Variants in SLC1A6 observed in about 807,000 individuals in gnomAD.
SLC1A6 encodes the protein solute carrier family 1 member 6, also known as excitatory amino acid transporter 4.
A neutral mutation model predicts 42.1 loss-of-function variants in SLC1A6; 15 were observed. The ratio of observed to expected loss-of-function variants is 0.36; its 90% CI spans 0.24 to 0.55. The LOEUF (loss-of-function observed/expected upper bound fraction) is 0.55, where lower values mean the gene tolerates loss of function less well. SLC1A6 is among the 20% of genes least tolerant of loss of function. The probability of loss-of-function intolerance (pLI) is 0.88; values close to 1 mark genes in which losing one functional copy is unlikely to be tolerated. For synonymous variants in SLC1A6, 317 were observed against 319.7 expected (o/e 0.99, Z 0.09); for missense variants, 542 against 772.5 (o/e 0.70, Z 3.54).
intron 3 of SLC1A6, among the ~76,000 whole-genome samples, chr19:14,969,446 A>T (rs1245453572): frequency 6.6e-6 from 1 of 152,202 alleles, no homozygotes; most frequent in Non-Finnish European, 1.5e-5. Flanking sequence ...CCTTTGATTC[A>T]GGTGGCAGTA....
At chr19:14,956,309 C>T (rs931875846) in intron 7 of SLC1A6, among the ~76,000 whole-genome samples, 167 bp downstream of exon 7, 1 of 152,136 alleles carries the variant, frequency 6.6e-6, no homozygotes, top group Non-Finnish European at 1.5e-5. Context: ...GGAGAGCCAG[C>T]CCAGGACAAT....
intron 6 of SLC1A6, among the ~76,000 whole-genome samples, chr19:14,959,281 G>A (rs1390082517): frequency 6.6e-6 from 1 of 152,154 alleles, no homozygotes; most frequent in Non-Finnish European, 1.5e-5. Context: ...TACCTATTTA[G>A]AAAAGTTTTA....
At chr19:14,967,743 G>A (rs151177619) in intron 4 of SLC1A6, among the ~76,000 whole-genome samples, 1 of 152,228 alleles carries the variant, frequency 6.6e-6, no homozygotes, top group East Asian at 1.9e-4. Flanking sequence ...CTTATGATAA[G>A]CAATATTAAA....
intron 3 of SLC1A6, among the ~76,000 whole-genome samples, chr19:14,968,866 C>T (rs1359167698): frequency 7.4e-5 from 11 of 148,262 alleles, no homozygotes; most frequent in African/African-American, 1.7e-4. Context: ...TTTTTTGAGA[C>T]GGACTCTCCT....
chr19:14,996,485 C>T (rs1252711032), intron 1 of SLC1A6, among the ~76,000 whole-genome samples: 3 of 150,356 alleles, frequency 2.0e-5, no homozygotes, highest in Non-Finnish European at 4.4e-5. Context: ...TTCTCCTTCC[C>T]CTTCTTTCTT....
chr19:14,951,006 G>A (rs142388742), intron 9 of SLC1A6, among the ~76,000 whole-genome samples: 167 of 150,362 alleles, frequency 1.1e-3, no homozygotes, highest in African/African-American at 3.8e-3. Flanking sequence ...AGCACAAGGC[G>A]GGCGGATCAC....
chr19:14,971,636 C>CG (rs775321432), intron 3 of SLC1A6, 101 bp downstream of exon 3: 115 of 1,170,242 alleles, frequency 9.8e-5, no homozygotes, highest in Admixed American at 2.0e-5. Context: ...TGAGGTGCCG[C>CG]GTCAAGGAAG....
chr19:14,989,238 C>T (rs1040184439), intron 1 of SLC1A6, among the ~76,000 whole-genome samples: 3 of 152,090 alleles, frequency 2.0e-5, no homozygotes, highest in Non-Finnish European at 4.4e-5. Context: ...TGTATCAAAA[C>T]TGCACTGAAC....
intron 1 of SLC1A6, chr19:14,976,851 GC>G (rs1212328143): frequency 1.3e-5 from 2 of 152,094 alleles, no homozygotes; most frequent in African/African-American, 4.8e-5. Flanking sequence ...GCTGCCACTG[GC>G]TTTTCTGGGA....
upstream of SLC1A6, among the ~76,000 whole-genome samples, chr19:14,982,468 G>A (rs1021102013): frequency 2.0e-5 from 3 of 152,156 alleles, no homozygotes; most frequent in Non-Finnish European, 4.4e-5. Flanking sequence ...GGCAGAGTTT[G>A]CAGTGAGCCA....
chr19:14,972,651 C>G (rs2045654865), intron 2 of SLC1A6, 55 bp downstream of exon 2: 6 of 1,490,424 alleles, frequency 4.0e-6, no homozygotes, highest in Non-Finnish European at 5.6e-6. Flanking sequence ...CCAGGAATTT[C>G]CCTGAAGTCC....
chr19:14,957,284 C>T (rs1198006643), intron 6 of SLC1A6, among the ~76,000 whole-genome samples: 1 of 152,158 alleles, frequency 6.6e-6, no homozygotes, highest in Non-Finnish European at 1.5e-5. Flanking sequence ...CTACTGAGTA[C>T]CAGGCACATG....
intron 7 of SLC1A6, among the ~76,000 whole-genome samples, chr19:14,955,481 T>G (rs1016885945): frequency 6.6e-6 from 1 of 150,730 alleles, no homozygotes; most frequent in African/African-American, 2.4e-5. Context: ...CCGGGAGGAC[T>G]GGAATCAGGC....
intron 1 of SLC1A6, among the ~76,000 whole-genome samples, chr19:15,007,753 G>A (rs531788775): frequency 3.3e-5 from 5 of 152,164 alleles, no homozygotes; most frequent in South Asian, 4.2e-4. Context: ...GGCCGGGCAC[G>A]GTGGCTCATA....
chr19:14,954,362 C>A (rs747929561), intron 7 of SLC1A6, 33 bp from the exon 8 acceptor site: 3 of 1,591,088 alleles, frequency 1.9e-6, no homozygotes, highest in South Asian at 2.2e-5. Flanking sequence ...GAGGATGGGG[C>A]GTGGCCTGGT....
At chr19:14,959,188 C>G (rs1372788833) in intron 6 of SLC1A6, among the ~76,000 whole-genome samples, 1 of 152,190 alleles carries the variant, frequency 6.6e-6, no homozygotes, top group African/African-American at 2.4e-5. Flanking sequence ...GCAGCCTATA[C>G]CCCTTCCTTA....
chr19:14,964,191 C>T, intron 5 of SLC1A6, 128 bp downstream of exon 5: 1 of 773,772 alleles, frequency 1.3e-6, no homozygotes, highest in South Asian at 1.5e-5. Context: ...TCCTAGACTC[C>T]TCAAGAACCC....
chr19:14,982,272 G>T (rs1345430986), upstream of SLC1A6, among the ~76,000 whole-genome samples: 2 of 152,198 alleles, frequency 1.3e-5, no homozygotes, highest in African/African-American at 4.8e-5. Context: ...GCACACACCT[G>T]TAATCCCAGC....
intron 1 of SLC1A6, among the ~76,000 whole-genome samples, chr19:15,002,924 G>A (rs1038411038): frequency 4.0e-5 from 6 of 150,426 alleles, no homozygotes; most frequent in South Asian, 4.2e-4. Context: ...GTTTGTTTTC[G>A]GTTTGTGTTT....
Sources: gnomAD v4.1 joint callset for allele counts (sites outside exome capture counted in the v4.1 genomes callset) on GRCh38, gnomAD v4.1.1 for gene constraint, MANE v1.5 for transcripts, NCBI Gene and HGNC (gene_info 2026-07-23, HGNC 2026-07-21) for gene names.